The following ATF7IP2 variants were observed in gnomAD, a reference collection of about 807,000 sequenced individuals.
ATF7IP2 encodes activating transcription factor 7-interacting protein 2.
ATF7IP2 carries 42 observed loss-of-function variants against 64.2 expected under a neutral mutation model. The observed-to-expected ratio is 0.65, with a 90% CI of 0.51 to 0.85. The LOEUF is 0.85. Ranked by LOEUF, ATF7IP2 falls within the 40% of genes least tolerant of loss-of-function variation. The pLI is 0.00. For missense variants in ATF7IP2, 933 were observed against 784.2 expected (o/e 1.19, Z -2.27); for synonymous variants, 308 against 272.8 (o/e 1.13, Z -1.27).
chr16:10,430,568 T>C, intron 4 of ATF7IP2, 43 bp from the exon 5 acceptor site: 1 of 1,245,190 alleles, frequency 8.0e-7, no homozygotes, highest in East Asian at 2.5e-5. Context: ...ATAACTTTTA[T>C]TCACTAGAGA....
At chr16:10,474,339 A>AGT (rs59048508) in intron 12 of ATF7IP2, among the ~76,000 whole-genome samples, 89,158 of 151,874 alleles carry the variant, frequency 0.59, 26,233 homozygotes, top group East Asian at 0.69. Context: ...GTGTAACAGT[A>AGT]GTGTGTTCCT....
At position 10,471,481 on chromosome 16, in the gene ATF7IP2, T is replaced by C. The variant is rs192245399; in HGVS notation, c.1353-629T>C. Among the ~76,000 whole-genome samples the C allele has an allele frequency of 7.2e-5, 11 of 152,168 alleles. No individual in the cohort carries two copies. In the East Asian group the frequency reaches 1.5e-3, roughly 21 times the overall value. ...AGACAGAGGTTTCGGTGAGCCAAGA[T>C]TGCGCCACTGCACTTCAGCCTGGGG... On this transcript the variant is annotated intron_variant, in intron 9 of 13. Transcript: ENST00000562102.
At chr16:10,456,209 A>G (rs2049161116) in intron 8 of ATF7IP2, among the ~76,000 whole-genome samples, 1 of 152,198 alleles carries the variant, frequency 6.6e-6, no homozygotes, top group Non-Finnish European at 1.5e-5. Flanking sequence ...AAAAAAGAGA[A>G]AAATTGAAGA....
chr16:10,393,498 G>A (rs2047368543), intron 1 of ATF7IP2, among the ~76,000 whole-genome samples: 1 of 152,072 alleles, frequency 6.6e-6, no homozygotes, highest in Non-Finnish European at 1.5e-5. Flanking sequence ...GAAAGTGATA[G>A]GCATTCGGTA....
In ATF7IP2 at chr16:10,481,846, C is replaced by T. The variant is rs1567183972; in HGVS notation, c.1646C>T (p.Ser549Phe). ...LAQNAVQVPE[S>F]FEHLPPLPEP... is the part of the protein sequence containing the mutation. ...CAATTGTGTTTTTAGGTTCCTGAGT[C>T]CTTTGAGCACCTGCCACCTCTCCCA... Residue 549 changes from serine (S) to phenylalanine (F), a missense_variant, in exon 14 of 14, where the codon TCC (serine) becomes TTC (phenylalanine). Transcript: ENST00000562102. The T allele has an allele frequency of 6.3e-7, 1 of 1,585,882 alleles. No homozygotes were observed. The highest frequency in any genetic ancestry group is 2.2e-5 in the East Asian group (1 of 44,708).
At chr16:10,397,016 G>A (rs1159049338) in intron 1 of ATF7IP2, among the ~76,000 whole-genome samples, 3 of 152,082 alleles carry the variant, frequency 2.0e-5, no homozygotes, top group African/African-American at 2.4e-5. Context: ...TGTATATGGT[G>A]TGAGATACTG....
intron 3 of ATF7IP2, among the ~76,000 whole-genome samples, chr16:10,424,981 C>G (rs952423030): frequency 6.6e-6 from 1 of 151,676 alleles, no homozygotes; most frequent in Non-Finnish European, 1.5e-5. Context: ...AATTCTACTG[C>G]TAGGTATATA....
chr16:10,480,194 C>T (rs931758971), intron 12 of ATF7IP2, among the ~76,000 whole-genome samples: 39 of 151,760 alleles, frequency 2.6e-4, no homozygotes, highest in African/African-American at 8.9e-4. Context: ...ACCATGTTGC[C>T]CAGGCTGATC....
intron 8 of ATF7IP2, among the ~76,000 whole-genome samples, chr16:10,452,064 G>A (rs1306939629): frequency 6.6e-6 from 1 of 151,570 alleles, no homozygotes; most frequent in Admixed American, 6.6e-5. Context: ...AAAAAAAAAA[G>A]TGCTCCTTTA....
At chr16:10,411,351 G>GTT (rs55895645) in intron 1 of ATF7IP2, among the ~76,000 whole-genome samples, 3,914 of 140,990 alleles carry the variant, frequency 0.028, 108 homozygotes, top group African/African-American at 0.071. Flanking sequence ...GGGCCTTTTT[G>GTT]TTTTTTTTTT....
chr16:10,435,504 AT>A (rs748132156), intron 6 of ATF7IP2, among the ~76,000 whole-genome samples: 2 of 152,200 alleles, frequency 1.3e-5, no homozygotes, highest in Admixed American at 6.5e-5. Context: ...TGGTAAAAAC[AT>A]TTATGAGGTA....
intron 1 of ATF7IP2, among the ~76,000 whole-genome samples, chr16:10,402,315 A>G (rs534719735): frequency 9.9e-5 from 15 of 152,068 alleles, no homozygotes; most frequent in Middle Eastern, 3.4e-3. Context: ...CTTAATACCC[A>G]TATTCATTTT....
At position 10,428,904 on chromosome 16, in the gene ATF7IP2, C is replaced by T. The variant is rs1041939122; in HGVS notation, c.-123C>T. 1 of 151,200 alleles carries T rather than the reference C, an allele frequency of 6.6e-6. No homozygotes were observed. Among genetic ancestry groups the T allele is most frequent in the African/African-American group, 2.4e-5 (1 of 41,074 alleles). The allele number at this position is 151,200 out of a possible 1,614,324, so 9.4% of individuals were successfully genotyped here. A position where few individuals can be genotyped will look rare whatever the true frequency, so the allele number is the denominator to read the frequency against. ...TTTTTTTTTCTTTGAGACACGGTCT[C>T]ACTCTGTCACCCTTGCTGGAGTGCA... On this transcript the variant is annotated 5_prime_UTR_variant, in exon 4 of 14. Transcript: ENST00000562102.
chr16:10,415,934 C>G lies in ATF7IP2; in HGVS notation c.-203+1322C>G, dbSNP rs576442818. 6.3e-4 allele frequency among the ~76,000 whole-genome samples: 96 copies of G among 152,238 alleles called. 1 individual carries two copies. Among genetic ancestry groups the G allele is most frequent in the African/African-American group, 2.1e-3 (86 of 41,522 alleles). On this transcript the variant is annotated intron_variant, in intron 2 of 13. Coordinates refer to ENST00000562102, the MANE Select transcript of ATF7IP2 (RefSeq NM_001393719.1). ...CACCTCATTTAAAATAGCTCTTATT[C>G]AAAAGACAGGTAATATGAAATGCAG...
At chr16:10,457,688 G>GT (rs1407464559) in intron 9 of ATF7IP2, 159 bp downstream of exon 9, 13 of 573,772 alleles carry the variant, frequency 2.3e-5, no homozygotes, top group African/African-American at 1.2e-4. Context: ...CAGTTGTGGG[G>GT]GTTTTTTTTT....
At chr16:10,421,602 GAGT>G (rs1423117316) in intron 3 of ATF7IP2, among the ~76,000 whole-genome samples, 4 of 152,144 alleles carry the variant, frequency 2.6e-5, no homozygotes, top group Non-Finnish European at 5.9e-5. Context: ...TAGGAGTAAG[GAGT>G]AGTAGTCTGA....
intron 1 of ATF7IP2, among the ~76,000 whole-genome samples, chr16:10,407,524 A>G (rs2141797214): frequency 6.6e-6 from 1 of 152,366 alleles, no homozygotes. Context: ...AATTGAGTAT[A>G]GTTGCAGTAT....
At position 10,480,937 on chromosome 16, in the gene ATF7IP2, A is replaced by C; in HGVS notation, c.1608A>C (p.Thr536=). Residue 536 remains threonine, a synonymous_variant, in exon 13 of 14, where the codon ACA becomes ACC. Coordinates refer to ENST00000562102, the MANE Select transcript of ATF7IP2 (RefSeq NM_001393719.1). ...AAGCTGCTTCAAACTCAAAGGAAAC[A>C]ACCCCATTGGCACAAAATGCAGTCC... is the stretch of plus-strand genomic sequence containing the variant. ...HSKAASNSKE[T]TPLAQNAVQV... 1 of 1,612,428 alleles carries C rather than the reference A, an allele frequency of 6.2e-7. No homozygotes were observed. Among genetic ancestry groups the C allele is most frequent in the Non-Finnish European group, 8.5e-7 (1 of 1,178,494 alleles).
intron 5 of ATF7IP2, among the ~76,000 whole-genome samples, chr16:10,433,045 A>T (rs1412137713): frequency 2.6e-5 from 4 of 152,152 alleles, no homozygotes; most frequent in South Asian, 4.1e-4. Context: ...CCTACCTAAG[A>T]TAACTCATTT....
Sources: allele counts gnomAD v4.1 joint callset (sites outside exome capture counted in the v4.1 genomes callset), GRCh38; gene constraint gnomAD v4.1.1; transcripts MANE v1.5; gene names NCBI Gene and HGNC (gene_info 2026-07-23, HGNC 2026-07-21).